LIFR: variants seen among roughly 807,000 people sequenced by gnomAD.
The protein encoded by LIFR is LIF receptor subunit alpha, also known as leukemia inhibitory factor receptor.
A neutral mutation model predicts 122.2 loss-of-function variants in LIFR; 84 were observed. The ratio of observed to expected loss-of-function variants is 0.69; its 90% confidence interval spans 0.58 to 0.82. The LOEUF (loss-of-function observed/expected upper bound fraction) is 0.82, where lower values mean the gene tolerates loss of function less well. Ranked by LOEUF, LIFR falls within the 40% of genes least tolerant of loss-of-function variation. The pLI is 0.00. For synonymous variants in LIFR, 422 were observed against 434.7 expected (o/e 0.97, Z 0.36); for missense variants, 1,294 against 1,311.6 (o/e 0.99, Z 0.21).
chr5:38,543,748 TTAA>T (rs1195127191), intron 1 of LIFR, among the ~76,000 whole-genome samples: 1 of 152,190 alleles, frequency 6.6e-6, no homozygotes, highest in East Asian at 1.9e-4. Flanking sequence ...TTCTGTACTC[TTAA>T]TAATTTCTCA....
In LIFR at chr5:38,485,853, C is replaced by T. The variant is rs749085598; in HGVS notation, c.2463G>A (p.Pro821=). The T allele has an allele frequency of 1.1e-4, 170 of 1,614,116 alleles. No homozygotes were observed. The highest frequency in any genetic ancestry group is 4.2e-4 in the East Asian group (19 of 44,878). ...TTGTCACCACATACATACTCTTCTC[C>T]GGGCCCACTCCACCATCTGTATAGG... ...LRAYTDGGVG[P]EKSMYVVTKE... is the part of the protein sequence containing the mutation. The change falls in exon 17 of 20, where the codon CCG becomes CCA. Residue 821 remains proline (P), a synonymous_variant. Transcript: ENST00000453190.
intron 1 of LIFR, among the ~76,000 whole-genome samples, chr5:38,572,005 T>C (rs565498739): frequency 2.0e-5 from 3 of 152,330 alleles, no homozygotes; most frequent in African/African-American, 7.2e-5. Context: ...AATAGGATTG[T>C]TTTTACTATA....
intron 12 of LIFR, among the ~76,000 whole-genome samples, chr5:38,498,806 G>A (rs1209470954): frequency 3.9e-5 from 6 of 152,110 alleles, no homozygotes; most frequent in African/African-American, 1.4e-4. Context: ...CAATCTCAAA[G>A]CAATGGAACT....
In LIFR at chr5:38,554,104, T is replaced by C. The variant is rs79081171; in HGVS notation, c.-20+2230A>G. On this transcript the variant is annotated intron_variant, in intron 1 of 19. Transcript: ENST00000453190. ...AATTTAATCAAAGGTACAAGCTGCCTCTCTACGTTCAAAAATATTTAAACA... is the reference window on the plus strand; with the variant it reads ...AATTTAATCAAAGGTACAAGCTGCCCCTCTACGTTCAAAAATATTTAAACA... 2.2e-3 allele frequency among the ~76,000 whole-genome samples: 336 copies of C among 152,324 alleles called. 10 individuals carry two copies. In the East Asian group the frequency reaches 0.059, roughly 27 times the overall value.
At chr5:38,517,297 T>C (rs2112520341) in intron 5 of LIFR, among the ~76,000 whole-genome samples, 1 of 152,286 alleles carries the variant, frequency 6.6e-6, no homozygotes, top group South Asian at 2.1e-4. Context: ...GCTTTACAGA[T>C]ATACTATTTA....
At chr5:38,538,424 G>A (rs539472866) in intron 1 of LIFR, among the ~76,000 whole-genome samples, 1 of 152,334 alleles carries the variant, frequency 6.6e-6, no homozygotes, top group East Asian at 1.9e-4. Flanking sequence ...ACTCAAGTAA[G>A]GTTCCTTCAG....
chr5:38,584,625 G>T (rs1029735842), intron 1 of LIFR, among the ~76,000 whole-genome samples: 4 of 151,968 alleles, frequency 2.6e-5, no homozygotes, highest in Non-Finnish European at 4.4e-5. Context: ...AAAAAAAATA[G>T]TGCAAGACCT....
intron 1 of LIFR, among the ~76,000 whole-genome samples, chr5:38,562,477 C>A (rs899165637): frequency 6.6e-6 from 1 of 152,188 alleles, no homozygotes; most frequent in Non-Finnish European, 1.5e-5. Flanking sequence ...TTTCTTATAG[C>A]CCATCGTACA....
At chr5:38,536,243 T>C (rs1339656044) in intron 1 of LIFR, among the ~76,000 whole-genome samples, 1 of 152,092 alleles carries the variant, frequency 6.6e-6, no homozygotes, top group African/African-American at 2.4e-5. Flanking sequence ...AATACTACCA[T>C]AGACCCTTCA....
At chr5:38,496,151 T>C (rs1031679419) in intron 13 of LIFR, among the ~76,000 whole-genome samples, 2 of 152,200 alleles carry the variant, frequency 1.3e-5, no homozygotes, top group African/African-American at 2.4e-5. Context: ...TATTATCCAC[T>C]ATAGTTACTG....
intron 12 of LIFR, 26 bp downstream of exon 12, chr5:38,499,487 T>G (rs890118001): frequency 6.9e-7 from 1 of 1,454,486 alleles, no homozygotes; most frequent in Non-Finnish European, 9.7e-7. Context: ...GTAATGTAAA[T>G]GTTCACAGAA....
intron 1 of LIFR, among the ~76,000 whole-genome samples, chr5:38,564,826 T>C (rs920486218): frequency 6.7e-6 from 1 of 150,218 alleles, no homozygotes; most frequent in Non-Finnish European, 1.5e-5. Context: ...CAGGCTGGAG[T>C]GCAGTGGTGC....
chr5:38,560,034 G>A (rs1748773360), upstream of LIFR, among the ~76,000 whole-genome samples: 1 of 152,142 alleles, frequency 6.6e-6, no homozygotes, highest in Admixed American at 6.5e-5. Flanking sequence ...CAGCAACCTT[G>A]AGTTGATGGT....
chr5:38,564,850 T>C (rs930576403), intron 1 of LIFR, among the ~76,000 whole-genome samples: 2 of 151,726 alleles, frequency 1.3e-5, no homozygotes, highest in East Asian at 1.9e-4. Context: ...CTCGGCTCAC[T>C]GCAACCTACA....
At chr5:38,593,025 A>C (rs151191938) in intron 1 of LIFR, among the ~76,000 whole-genome samples, 3,063 of 152,230 alleles carry the variant, frequency 0.02, 43 homozygotes, top group Non-Finnish European at 0.029. Flanking sequence ...CAACATGGTC[A>C]AACCCTGTCT....
rs1746950772 is a variant in LIFR at position 38,530,563 on chromosome 5, G to C, written c.85C>G (p.Leu29Val). The C allele has an allele frequency of 6.2e-7, 1 of 1,612,860 alleles. No homozygotes were observed. The change falls in exon 2 of 20, where the codon CTG becomes GTG. Residue 29 changes from leucine (L) to valine (V), a missense_variant. Leu to Val is a conservative substitution (Grantham distance 32, BLOSUM62 1). Coordinates refer to ENST00000453190, the MANE Select transcript of LIFR (RefSeq NM_001127671.2). ...TATAGAAGAATAAATGTTGATAACA[G>C]CCACTGGAAATTTGAAGCAGTCCTC... ...RMRTASNFQW[L>V]LSTFILLYLM...
At chr5:38,517,640 A>T (rs995177405) in intron 5 of LIFR, among the ~76,000 whole-genome samples, 3 of 151,684 alleles carry the variant, frequency 2.0e-5, no homozygotes, top group Non-Finnish European at 4.4e-5. Context: ...GCCAGATTAC[A>T]AGGTCAAGAG....
chr5:38,515,710 T>C (rs1746041082), intron 5 of LIFR, among the ~76,000 whole-genome samples: 1 of 151,842 alleles, frequency 6.6e-6, no homozygotes, highest in African/African-American at 2.4e-5. Context: ...GAAATGAAGA[T>C]AAATAATGAA....
chr5:38,515,929 A>T (rs1301538437), intron 5 of LIFR, among the ~76,000 whole-genome samples: 1 of 152,216 alleles, frequency 6.6e-6, no homozygotes, highest in East Asian at 1.9e-4. Flanking sequence ...ATTATAAAAT[A>T]ATAGCATTAG....
Sources: gnomAD v4.1 joint callset for allele counts (sites outside exome capture counted in the v4.1 genomes callset) on GRCh38, gnomAD v4.1.1 for gene constraint, MANE v1.5 for transcripts, NCBI Gene and HGNC (gene_info 2026-07-23, HGNC 2026-07-21) for gene names.